TEK: variants seen among roughly 807,000 people sequenced by gnomAD.
The protein encoded by TEK is TEK receptor tyrosine kinase.
In TEK, 43 loss-of-function variants were observed where a neutral mutation model predicts 131.8. The ratio of observed to expected loss-of-function variants is 0.33; its 90% CI spans 0.26 to 0.42. The LOEUF is 0.42. Ranked by LOEUF, TEK falls within the 10% of genes least tolerant of loss-of-function variation. TEK has a pLI of 1.00. For synonymous variants in TEK, 580 were observed against 491.6 expected (o/e 1.18, Z -2.38); for missense variants, 1,162 against 1,384.4 (o/e 0.84, Z 2.55).
At chr9:27,137,459 A>T (rs111242971) in intron 1 of TEK, among the ~76,000 whole-genome samples, 78,520 of 151,636 alleles carry the variant, frequency 0.52, 21,285 homozygotes, top group African/African-American at 0.57. Context: ...CTACTAGCTT[A>T]AAAGAATAGA....
Position 27,183,941 on chromosome 9 carries a change from C to T in TEK, c.1182+331C>T, listed in dbSNP as rs566131981. 3.9e-5 allele frequency among the ~76,000 whole-genome samples: 6 copies of T among 152,298 alleles called. No individual in the cohort carries two copies. The South Asian group carries it at 1.0e-3, about 26-fold the overall frequency. On this transcript the variant is annotated intron_variant, in intron 8 of 22. Transcript: ENST00000380036. ...CAATCTGTGCAAAGCTTTGCTCTCG[C>T]AGTGTCCCCATATCTCTAACTACTC...
chr9:27,228,472 T>C (rs1377834671), intron 22 of TEK, among the ~76,000 whole-genome samples, 167 bp downstream of exon 22: 1 of 152,044 alleles, frequency 6.6e-6, no homozygotes, highest in East Asian at 1.9e-4. Flanking sequence ...GAAGTTACAA[T>C]TTTGGGGGGA....
chr9:27,115,327 C>G (rs10967722), intron 1 of TEK, among the ~76,000 whole-genome samples: 25,255 of 151,842 alleles, frequency 0.17, 2,303 homozygotes, highest in Non-Finnish European at 0.21. Context: ...GGCAAAACCC[C>G]ATCTCTACAA....
chr9:27,134,400 G>A (rs1048185302), intron 1 of TEK, among the ~76,000 whole-genome samples: 1 of 152,002 alleles, frequency 6.6e-6, no homozygotes, highest in African/African-American at 2.4e-5. Context: ...TTTAAAATTC[G>A]CCACTCAAAT....
intron 1 of TEK, among the ~76,000 whole-genome samples, chr9:27,137,107 G>A (rs1312366621): frequency 2.6e-5 from 4 of 151,958 alleles, no homozygotes; most frequent in Admixed American, 6.6e-5. Flanking sequence ...CAGTAGAGAC[G>A]GGGTTTCACC....
chr9:27,220,153 A>C lies in TEK; in HGVS notation c.3200+8A>C. ...GAACTGTGATGATGAGGTGTAAGTC[A>C]GGCCTCATCCTGGGGCTATTTTGTC... On this transcript the variant is annotated splice_region_variant and intron_variant, in intron 21 of 22. Transcript: ENST00000380036. The C allele has an allele frequency of 6.2e-7, 1 of 1,613,446 alleles. No individual in the cohort carries two copies. The highest frequency in any genetic ancestry group is 1.1e-5 in the South Asian group (1 of 91,056).
At chr9:27,152,558 AT>A (rs963051600) in intron 1 of TEK, among the ~76,000 whole-genome samples, 2 of 150,894 alleles carry the variant, frequency 1.3e-5, no homozygotes, top group African/African-American at 2.4e-5. Context: ...ATTAAGCAAA[AT>A]TTTTTTCTTT....
intron 4 of TEK, among the ~76,000 whole-genome samples, chr9:27,170,004 C>T (rs1023002009): frequency 2.6e-5 from 4 of 152,110 alleles, no homozygotes; most frequent in Non-Finnish European, 5.9e-5. Flanking sequence ...AATTGACTCA[C>T]AGTTCAATAT....
intron 1 of TEK, among the ~76,000 whole-genome samples, chr9:27,129,479 T>G (rs1263791715): frequency 6.6e-6 from 1 of 152,168 alleles, no homozygotes; most frequent in Non-Finnish European, 1.5e-5. Flanking sequence ...CCCATGCCAC[T>G]TCCCCCTTGC....
chr9:27,153,016 C>T (rs1587524214), intron 1 of TEK, among the ~76,000 whole-genome samples: 1 of 152,154 alleles, frequency 6.6e-6, no homozygotes, highest in Admixed American at 6.5e-5. Context: ...CAATATAGAA[C>T]ACAGAAAATA....
intron 1 of TEK, among the ~76,000 whole-genome samples, chr9:27,117,774 G>A (rs1587474542): frequency 6.6e-6 from 1 of 152,306 alleles, no homozygotes; most frequent in African/African-American, 2.4e-5. Flanking sequence ...CTCTCTGCTT[G>A]TCACAGCCCC....
rs12345521 is a variant in TEK, at chr9:27,177,569, C to T, written c.902-2671C>T. Among the ~76,000 whole-genome samples, 1,500 of 152,194 alleles carry T rather than the reference C, an allele frequency of 9.9e-3. 27 individuals carry two copies. The highest frequency in any genetic ancestry group is 0.034 in the African/African-American group (1,408 of 41,526). On this transcript the variant is annotated intron_variant, in intron 6 of 22. Transcript: ENST00000380036. ...AGTTCGAGACCAGCCTGACCAACAACGAGAAACCCCGTCTCTACTAAAAAT... is the reference window on the plus strand; with the variant it reads ...AGTTCGAGACCAGCCTGACCAACAATGAGAAACCCCGTCTCTACTAAAAAT...
intron 14 of TEK, among the ~76,000 whole-genome samples, chr9:27,206,204 C>G (rs113947888): frequency 2.2e-4 from 34 of 152,354 alleles, no homozygotes; most frequent in African/African-American, 8.2e-4. Flanking sequence ...GGCTGCCCCA[C>G]ATAGGCTCTC....
intron 1 of TEK, among the ~76,000 whole-genome samples, chr9:27,155,606 A>G (rs1255485011): frequency 6.6e-6 from 1 of 152,264 alleles, no homozygotes; most frequent in African/African-American, 2.4e-5. Context: ...TGAGGACTTT[A>G]TATCAGGTAC....
In TEK at chr9:27,157,818, TCTTTC is replaced by T. The variant is rs752894892; in HGVS notation, c.53-8_53-4del. 19 of 1,614,082 alleles carry T rather than the reference TCTTTC, an allele frequency of 1.2e-5. No individual in the cohort carries two copies. Among genetic ancestry groups the T allele is most frequent in the Middle Eastern group, 1.6e-4 (1 of 6,062 alleles). On this transcript the variant is annotated splice_region_variant and splice_polypyrimidine_tract_variant and intron_variant, in intron 1 of 22. Transcript: ENST00000380036. ...AACCTTAGTCATACATTATTGTCTC[TCTTTC>T]CTTTTAGGAACTGTGGAAGGTGCCA...
At chr9:27,193,172 G>A (rs1219293774) in intron 11 of TEK, among the ~76,000 whole-genome samples, 1 of 152,088 alleles carries the variant, frequency 6.6e-6, no homozygotes, top group Non-Finnish European at 1.5e-5. Context: ...CCACCTCCCA[G>A]TCCTGCTTCC....
chr9:27,211,249 A>C (rs1306780131), intron 16 of TEK, among the ~76,000 whole-genome samples: 1 of 149,114 alleles, frequency 6.7e-6, no homozygotes, highest in Non-Finnish European at 1.5e-5. Flanking sequence ...ATATGTATTT[A>C]AGGTAAATTA....
chr9:27,221,044 T>A (rs1189676468), intron 21 of TEK, among the ~76,000 whole-genome samples: 1 of 152,184 alleles, frequency 6.6e-6, no homozygotes. Flanking sequence ...AGCACAGCAG[T>A]ATGAAGTTGA....
intron 1 of TEK, among the ~76,000 whole-genome samples, chr9:27,127,805 C>A (rs1305520549): frequency 6.6e-6 from 1 of 152,138 alleles, no homozygotes; most frequent in Admixed American, 6.5e-5. Context: ...ATATCCTTTA[C>A]CCAATTTTGA....
Sources: allele counts gnomAD v4.1 joint callset (sites outside exome capture counted in the v4.1 genomes callset), GRCh38; gene constraint gnomAD v4.1.1; transcripts MANE v1.5; gene names NCBI Gene and HGNC (gene_info 2026-07-23, HGNC 2026-07-21).